The following PCSK5 variants were observed in gnomAD, a reference collection of about 807,000 sequenced individuals.
PCSK5 encodes prohormone convertase 5.
PCSK5 carries 129 observed loss-of-function variants against 233.2 expected under a neutral mutation model. That is an observed-to-expected ratio of 0.55 (90% CI 0.48 to 0.64). The LOEUF (loss-of-function observed/expected upper bound fraction) is 0.64, where lower values mean the gene tolerates loss of function less well. PCSK5 is among the 30% of genes least tolerant of loss of function. The pLI is 0.00. For synonymous variants in PCSK5, 825 were observed against 879.2 expected (o/e 0.94, Z 1.09); for missense variants, 2,076 against 2,430.1 (o/e 0.85, Z 3.06).
intron 22 of PCSK5, among the ~76,000 whole-genome samples, chr9:76,237,898 A>G (rs925695669): frequency 2.4e-4 from 36 of 152,338 alleles, no homozygotes; most frequent in African/African-American, 8.4e-4. Context: ...ACGTGGGTCA[A>G]TTTAACATTA....
intron 1 of PCSK5, among the ~76,000 whole-genome samples, chr9:75,900,146 G>C (rs1825964402): frequency 6.6e-6 from 1 of 152,104 alleles, no homozygotes; most frequent in African/African-American, 2.4e-5. Context: ...CAATGTGCTG[G>C]AGTAGTTAGG....
chr9:76,333,580 A>C (rs944996833), intron 34 of PCSK5, among the ~76,000 whole-genome samples: 1 of 152,210 alleles, frequency 6.6e-6, no homozygotes, highest in African/African-American at 2.4e-5. Context: ...TAGTGTTATC[A>C]GAAGGTCTGA....
chr9:76,315,344 GA>G (rs978815954), intron 30 of PCSK5, among the ~76,000 whole-genome samples: 1 of 152,174 alleles, frequency 6.6e-6, no homozygotes, highest in East Asian at 1.9e-4. Context: ...AAGCTCTGTT[GA>G]AGAAAAACAG....
At chr9:75,926,701 G>A (rs969455862) in intron 1 of PCSK5, among the ~76,000 whole-genome samples, 6 of 152,120 alleles carry the variant, frequency 3.9e-5, no homozygotes, top group African/African-American at 1.4e-4. Flanking sequence ...TGGTATGCAC[G>A]TTTTTGTGTT....
intron 24 of PCSK5, 22 bp from the exon 25 acceptor site, chr9:76,292,211 T>G: frequency 7.0e-7 from 1 of 1,433,464 alleles, no homozygotes; most frequent in Non-Finnish European, 9.7e-7. Flanking sequence ...GATTATTACT[T>G]TTTATTATTT....
intron 20 of PCSK5, among the ~76,000 whole-genome samples, chr9:76,219,226 T>G (rs1036790639): frequency 1.3e-5 from 2 of 151,662 alleles, no homozygotes; most frequent in African/African-American, 2.4e-5. Flanking sequence ...AGGAAAGGAG[T>G]GTGGGAGATG....
chr9:76,146,872 GAAT>G (rs1229675383), intron 10 of PCSK5, among the ~76,000 whole-genome samples: 3 of 152,094 alleles, frequency 2.0e-5, no homozygotes, highest in Non-Finnish European at 4.4e-5. Context: ...TAGAAAATGT[GAAT>G]AATACCATCT....
intron 7 of PCSK5, among the ~76,000 whole-genome samples, chr9:76,077,779 A>G (rs1473135643): frequency 1.3e-5 from 2 of 152,170 alleles, no homozygotes; most frequent in African/African-American, 4.8e-5. Flanking sequence ...GTGTATGTGT[A>G]CCACATTTTC....
At chr9:76,259,630 G>C (rs1827101440) in intron 24 of PCSK5, among the ~76,000 whole-genome samples, 1 of 152,100 alleles carries the variant, frequency 6.6e-6, no homozygotes, top group Non-Finnish European at 1.5e-5. Flanking sequence ...AGACTTGATC[G>C]ATTCTATTTA....
intron 5 of PCSK5, among the ~76,000 whole-genome samples, 196 bp from the exon 6 acceptor site, chr9:76,067,759 G>A (rs1724800998): frequency 6.6e-6 from 1 of 152,212 alleles, no homozygotes; most frequent in Admixed American, 6.5e-5. Flanking sequence ...AAATAAATAT[G>A]TCAAGAATAT....
At chr9:75,936,541 A>G (rs1345413284) in intron 2 of PCSK5, among the ~76,000 whole-genome samples, 1 of 152,232 alleles carries the variant, frequency 6.6e-6, no homozygotes, top group East Asian at 1.9e-4. Flanking sequence ...TTGCTTAACC[A>G]TAGGAAGCAA....
chr9:75,964,056 GCTT>G (rs1825470882), intron 2 of PCSK5, among the ~76,000 whole-genome samples: 1 of 152,124 alleles, frequency 6.6e-6, no homozygotes. Flanking sequence ...ACATCCAACT[GCTT>G]CTTTTGTTGA....
chr9:76,345,789 G>A (rs190064421), intron 35 of PCSK5, among the ~76,000 whole-genome samples: 35 of 150,726 alleles, frequency 2.3e-4, no homozygotes, highest in African/African-American at 8.1e-4. Flanking sequence ...GTGTGATCTC[G>A]GCTCACTGCA....
chr9:76,188,261 A>G (rs917340165), intron 17 of PCSK5, among the ~76,000 whole-genome samples: 5 of 152,114 alleles, frequency 3.3e-5, no homozygotes, highest in African/African-American at 1.2e-4. Context: ...TCAATCAAAT[A>G]CTTTTTAAAA....
Position 75,945,604 on chromosome 9 carries a change from A to AT in PCSK5, c.297+13130dup, listed in dbSNP as rs564922041. 8.0e-3 allele frequency among the ~76,000 whole-genome samples: 462 copies of AT among 57,832 alleles called. 6 individuals are homozygous for AT. Among genetic ancestry groups the AT allele is most frequent in the East Asian group, 0.062 (122 of 1,976 alleles). 37.9% of individuals were successfully genotyped at this position (57,832 alleles called of 152,430 possible). On this transcript the variant is annotated intron_variant, in intron 2 of 37. Transcript: ENST00000674117. ...AGTAAACTTCCAGAGTTCAAAAGAG[A>AT]TTTTTTTTTAATGACTTTATTGATC...
chr9:76,069,720 A>C (rs1222815234), intron 6 of PCSK5, among the ~76,000 whole-genome samples: 2 of 152,060 alleles, frequency 1.3e-5, no homozygotes, highest in African/African-American at 4.8e-5. Context: ...GTTATGTCCT[A>C]CTCTCCTGTT....
intron 10 of PCSK5, among the ~76,000 whole-genome samples, chr9:76,152,515 G>A (rs1013406322): frequency 3.9e-5 from 6 of 152,162 alleles, no homozygotes; most frequent in African/African-American, 1.2e-4. Context: ...GCGGGATGCT[G>A]CATAACACTG....
intron 2 of PCSK5, among the ~76,000 whole-genome samples, chr9:75,954,922 C>G (rs78006301): frequency 2.1e-4 from 32 of 152,356 alleles, no homozygotes; most frequent in African/African-American, 7.7e-4. Flanking sequence ...TACCTTCTCT[C>G]TGAACCATGA....
At chr9:76,056,376 GA>G (rs1007068502) in intron 5 of PCSK5, among the ~76,000 whole-genome samples, 1 of 152,038 alleles carries the variant, frequency 6.6e-6, no homozygotes. Flanking sequence ...AGATACGGAA[GA>G]AAAAAAGTTC....
Sources: gnomAD v4.1 joint callset for allele counts (sites outside exome capture counted in the v4.1 genomes callset) on GRCh38, gnomAD v4.1.1 for gene constraint, MANE v1.5 for transcripts, NCBI Gene and HGNC (gene_info 2026-07-23, HGNC 2026-07-21) for gene names.